Variants in TEX9 observed in about 807,000 individuals in gnomAD.
TEX9 encodes the protein testis expressed 9.
Under a neutral mutation model 59.6 loss-of-function variants are expected in TEX9, and 74 were observed. That is an observed-to-expected ratio of 1.24 (90% confidence interval 1.03 to 1.51). The LOEUF is 1.51. Ranked by LOEUF, TEX9 falls within the 40% of genes most tolerant of loss-of-function variation. TEX9 has a pLI of 0.00. For missense variants in TEX9, 522 were observed against 447.8 expected, an observed-to-expected ratio of 1.17 and a Z score of -1.49; for synonymous variants, 186 against 152.2, an observed-to-expected ratio of 1.22 and a Z score of -1.64.
intron 12 of TEX9, among the ~76,000 whole-genome samples, 159 bp downstream of exon 12, chr15:56,430,313 C>G (rs1780690753): frequency 1.3e-5 from 2 of 152,140 alleles, no homozygotes; most frequent in African/African-American, 4.8e-5. Context: ...CTCAAGCAAT[C>G]TTCCAACCTC....
At chr15:56,338,114 C>T (rs1317800561) in intron 1 of TEX9, among the ~76,000 whole-genome samples, 1 of 152,166 alleles carries the variant, frequency 6.6e-6, no homozygotes, top group Non-Finnish European at 1.5e-5. Context: ...GCAGCCATAG[C>T]TTAAAGTTTA....
downstream of TEX9, chr15:56,447,070 C>T: frequency 1.6e-6 from 1 of 641,496 alleles, no homozygotes; most frequent in Non-Finnish European, 2.6e-6. Flanking sequence ...ATTTTAGATC[C>T]ATAGGAGAAA....
intron 1 of TEX9, among the ~76,000 whole-genome samples, chr15:56,271,985 A>G (rs2044544834): frequency 6.6e-6 from 1 of 152,088 alleles, no homozygotes; most frequent in South Asian, 2.1e-4. Flanking sequence ...TAAAAACTAC[A>G]AAAACAAAAT....
chr15:56,333,415 C>T (rs544810671), intron 1 of TEX9, among the ~76,000 whole-genome samples: 1 of 149,912 alleles, frequency 6.7e-6, no homozygotes, highest in African/African-American at 2.5e-5. Flanking sequence ...GGAAAAAAAA[C>T]CATATGATAA....
intron 1 of TEX9, among the ~76,000 whole-genome samples, chr15:56,267,709 C>T (rs1383515886): frequency 6.6e-6 from 1 of 152,090 alleles, no homozygotes; most frequent in African/African-American, 2.4e-5. Flanking sequence ...GTACCAGTAC[C>T]ATGCTGTTTT....
intron 1 of TEX9, among the ~76,000 whole-genome samples, chr15:56,286,132 T>C (rs1395607479): frequency 6.6e-6 from 1 of 152,130 alleles, no homozygotes; most frequent in Non-Finnish European, 1.5e-5. Context: ...GTATTTCCCC[T>C]CTCCTGTGAT....
chr15:56,303,681 A>T (rs1162298970), intron 1 of TEX9, among the ~76,000 whole-genome samples: 1 of 152,162 alleles, frequency 6.6e-6, no homozygotes, highest in East Asian at 1.9e-4. Flanking sequence ...AAATACATGA[A>T]ATGGAAATGA....
intron 1 of TEX9, among the ~76,000 whole-genome samples, chr15:56,262,975 C>G (rs780709552): frequency 6.6e-6 from 1 of 152,146 alleles, no homozygotes; most frequent in Non-Finnish European, 1.5e-5. Context: ...TTTGCTTTCA[C>G]TCAGTCTCTG....
At chr15:56,344,723 G>A (rs12439088) in intron 1 of TEX9, among the ~76,000 whole-genome samples, 2 of 151,716 alleles carry the variant, frequency 1.3e-5, no homozygotes, top group East Asian at 1.9e-4. Context: ...TGTGAAATTA[G>A]AAAAAAAATC....
At chr15:56,252,216 ATTTC>A (rs779228725) in intron 1 of TEX9, among the ~76,000 whole-genome samples, 18 of 151,808 alleles carry the variant, frequency 1.2e-4, no homozygotes, top group Non-Finnish European at 2.1e-4. Context: ...TTGTTTGCCT[ATTTC>A]TTGCATCTAC....
At chr15:56,244,394 T>G (rs1211028559) in intron 1 of TEX9, 5 of 152,102 alleles carry the variant, frequency 3.3e-5, no homozygotes, top group Non-Finnish European at 7.3e-5. Context: ...CTGGGTTGAG[T>G]GCTCCTCGGT....
chr15:56,370,144 TATGTC>T (rs1173109238), intron 2 of TEX9, among the ~76,000 whole-genome samples: 4 of 152,178 alleles, frequency 2.6e-5, no homozygotes, highest in African/African-American at 9.6e-5. Flanking sequence ...TATTTTCTAT[TATGTC>T]TTGTCTTTGG....
chr15:56,407,988 T>C (rs1567130270), intron 9 of TEX9, among the ~76,000 whole-genome samples: 1 of 152,220 alleles, frequency 6.6e-6, no homozygotes, highest in Non-Finnish European at 1.5e-5. Context: ...TTGTCCTTCC[T>C]CTTGCAAAAT....
In TEX9 at chr15:56,339,368, G is replaced by A. The variant is rs189345447; in HGVS notation, c.-106-34073G>A. On this transcript the variant is annotated intron_variant, in intron 1 of 5. Coordinates refer to the TEX9 transcript ENST00000560827. ...ACTGCACTGCAGCCTGGGTGTCAGA[G>A]CAAGACTCCTTCTCCAAAAAAAAAA... 5.7e-4 allele frequency among the ~76,000 whole-genome samples: 55 copies of A among 96,228 alleles called. 1 individual carries two copies. The East Asian group carries it at 0.016, about 28-fold the overall frequency. The allele number at this position is 96,228 out of a possible 152,430, so 63.1% of individuals were successfully genotyped here.
the TEX9 span, among the ~76,000 whole-genome samples, chr15:56,451,261 G>C: frequency 5.3e-5 from 8 of 152,310 alleles, no homozygotes; most frequent in African/African-American, 1.9e-4. Context: ...TTGTGAATAA[G>C]ATCTGCTCTG....
intron 1 of TEX9, among the ~76,000 whole-genome samples, chr15:56,345,038 G>GATATAT (rs58688246): frequency 0.014 from 1,960 of 141,454 alleles, 21 homozygotes; most frequent in Middle Eastern, 0.056. Flanking sequence ...TATCTATCTG[G>GATATAT]ATATATATAT....
At chr15:56,443,745 C>G (rs768102720) in intron 12 of TEX9, 1 of 1,612,958 alleles carries the variant, frequency 6.2e-7, no homozygotes, top group Non-Finnish European at 8.5e-7. Flanking sequence ...TTTCTGTTTT[C>G]TTCTTCCATC....
intron 9 of TEX9, among the ~76,000 whole-genome samples, chr15:56,405,177 G>T (rs142926773): frequency 6.6e-6 from 1 of 152,014 alleles, no homozygotes. Flanking sequence ...GGTGGTGGGC[G>T]CCTGTAGTCT....
downstream of TEX9, among the ~76,000 whole-genome samples, chr15:56,449,351 A>C (rs1371912665): frequency 1.3e-5 from 2 of 148,156 alleles, no homozygotes; most frequent in African/African-American, 5.2e-5. Flanking sequence ...GTGATGATTC[A>C]TATCAATGGG....
Sources: gnomAD v4.1 joint callset for allele counts (sites outside exome capture counted in the v4.1 genomes callset) on GRCh38, gnomAD v4.1.1 for gene constraint, MANE v1.5 for transcripts, NCBI Gene and HGNC (gene_info 2026-07-23, HGNC 2026-07-21) for gene names.